Variants in NFASC observed in about 807,000 individuals in gnomAD.
NFASC encodes the protein neurofascin.
A neutral mutation model predicts 147.5 loss-of-function variants in NFASC; 43 were observed. The observed-to-expected ratio is 0.29, with a 90% confidence interval of 0.23 to 0.38. NFASC has a LOEUF of 0.38. NFASC is among the 10% of genes least tolerant of loss of function. NFASC has a pLI of 1.00. For synonymous variants in NFASC, 622 were observed against 665.5 expected, an observed-to-expected ratio of 0.93 and a Z score of 1.01; for missense variants, 1,320 against 1,689.0, an observed-to-expected ratio of 0.78 and a Z score of 3.83.
chr1:204,915,778 A>G (rs1044825295), intron 1 of NFASC, among the ~76,000 whole-genome samples: 1 of 152,198 alleles, frequency 6.6e-6, no homozygotes, highest in Non-Finnish European at 1.5e-5. Flanking sequence ...CTTCTTTAGA[A>G]ATACGCCCTT....
chr1:204,952,937 C>G (rs1301407498), intron 5 of NFASC, among the ~76,000 whole-genome samples: 3 of 152,334 alleles, frequency 2.0e-5, no homozygotes, highest in East Asian at 3.9e-4. Context: ...TCACACAAGA[C>G]AGTCTCAAAC....
In NFASC at chr1:204,885,553, G is replaced by A. The variant is rs375853129; in HGVS notation, c.-199-35079G>A. Among the ~76,000 whole-genome samples the A allele has an allele frequency of 7.4e-4, 113 of 152,292 alleles. 1 individual carries two copies. Among genetic ancestry groups the A allele is most frequent in the South Asian group, 4.1e-3 (20 of 4,822 alleles). ...TCAGAGAAAGAATTGACCAGGGCTG[G>A]TGCCAAAATATTCAGTACATTCAAA... On this transcript the variant is annotated intron_variant, in intron 1 of 29. Coordinates refer to ENST00000339876, the MANE Select transcript of NFASC (RefSeq NM_001005388.3).
At chr1:204,909,010 A>T (rs1450827028) in intron 1 of NFASC, among the ~76,000 whole-genome samples, 4 of 152,104 alleles carry the variant, frequency 2.6e-5, no homozygotes, top group Non-Finnish European at 5.9e-5. Flanking sequence ...ATTGTTTTCT[A>T]GTTTTTGCCT....
At chr1:204,843,370 T>G (rs1471835044) in intron 1 of NFASC, among the ~76,000 whole-genome samples, 1 of 152,228 alleles carries the variant, frequency 6.6e-6, no homozygotes, top group Admixed American at 6.5e-5. Context: ...TTTCTCCCAA[T>G]GGTAACATCT....
rs148269773 is a variant in NFASC at position 204,866,400 on chromosome 1, G to A, written c.-200+37618G>A. On this transcript the variant is annotated intron_variant, in intron 1 of 29. Transcript: ENST00000339876. ...TGGATGGGGCTTTTGGAGCTATGCC[G>A]AGCCCTTGAGAGGTCAGTTCTTAGG... 5.1e-3 allele frequency among the ~76,000 whole-genome samples: 784 copies of A among 152,248 alleles called. 7 individuals carry two copies. Among genetic ancestry groups the A allele is most frequent in the African/African-American group, 0.018 (729 of 41,518 alleles).
intron 8 of NFASC, among the ~76,000 whole-genome samples, chr1:204,959,592 C>T (rs2094574451): frequency 6.6e-6 from 1 of 152,166 alleles, no homozygotes; most frequent in South Asian, 2.1e-4. Context: ...CTGAGCTGAG[C>T]CTGGACAGCC....
intron 2 of NFASC, among the ~76,000 whole-genome samples, chr1:204,923,248 C>T (rs906021539): frequency 4.6e-5 from 7 of 152,164 alleles, no homozygotes; most frequent in African/African-American, 7.2e-5. Context: ...GGAAGCCCTC[C>T]GTTTATCTGC....
Position 204,891,409 on chromosome 1 carries a change from C to T in NFASC, c.-199-29223C>T, listed in dbSNP as rs573842715. 3.3e-5 allele frequency among the ~76,000 whole-genome samples: 5 copies of T among 152,252 alleles called. No individual in the cohort carries two copies. In the South Asian group the frequency reaches 1.0e-3, roughly 32 times the overall value. On this transcript the variant is annotated intron_variant, in intron 1 of 29. Transcript: ENST00000339876. Reference sequence around the variant, plus strand: ...GTTTCAAACCATGGGTCATTAATTCCCCTGAATTTCTGGGTTGCACATGCC... The same window carrying T: ...GTTTCAAACCATGGGTCATTAATTCTCCTGAATTTCTGGGTTGCACATGCC...
At chr1:204,904,630 C>T (rs138917000) in intron 1 of NFASC, among the ~76,000 whole-genome samples, 1 of 152,212 alleles carries the variant, frequency 6.6e-6, no homozygotes, top group Non-Finnish European at 1.5e-5. Flanking sequence ...TTATCTATCT[C>T]TGCACCACTT....
intron 1 of NFASC, among the ~76,000 whole-genome samples, chr1:204,906,935 G>A (rs576510524): frequency 1.4e-4 from 21 of 152,238 alleles, no homozygotes; most frequent in South Asian, 4.1e-4. Context: ...CGCCCGCCTT[G>A]GCCTCCCAAA....
rs777926377 is a variant in NFASC, at chr1:205,021,723, C to T, written c.*5184C>T. On this transcript the variant is annotated 3_prime_UTR_variant, in exon 30 of 30. Coordinates refer to ENST00000339876, the MANE Select transcript of NFASC (RefSeq NM_001005388.3). The stretch of plus-strand genomic sequence containing the variant: ...CCTTCTGGTTCACCCTCTCATACCT[C>T]TTTACTGCGTCTCCCACATCCCCCA... 4 of 153,422 alleles carry T rather than the reference C, an allele frequency of 2.6e-5. No homozygotes were observed. Among genetic ancestry groups the T allele is most frequent in the Non-Finnish European group, 5.9e-5 (4 of 68,044 alleles). The allele number at this position is 153,422 out of a possible 1,614,324, so 9.5% of individuals were successfully genotyped here.
In NFASC at chr1:205,015,828, G is replaced by T. The variant is rs2096350101; in HGVS notation, c.3492-480G>T. 1.3e-5 allele frequency among the ~76,000 whole-genome samples: 2 copies of T among 152,096 alleles called. No individual in the cohort carries two copies. Among genetic ancestry groups the T allele is most frequent in the African/African-American group, 2.4e-5 (1 of 41,416 alleles). ...TTTAAAAGCCTTGCTTGTTGTCAAGGCGAGAGTGTTTCCCTACAGAGTCAC... is the reference window on the plus strand; with the variant it reads ...TTTAAAAGCCTTGCTTGTTGTCAAGTCGAGAGTGTTTCCCTACAGAGTCAC... On this transcript the variant is annotated intron_variant, in intron 29 of 29. Transcript: ENST00000339876. This position sits in a 1 kb window ranked among gnomAD's most constrained non-coding sequence, Gnocchi z 4.0.
chr1:204,920,611 C>A, intron 1 of NFASC, 21 bp from the exon 2 acceptor site: 1 of 1,235,768 alleles, frequency 8.1e-7, no homozygotes, highest in Non-Finnish European at 1.1e-6. Context: ...TGGGGTTCTC[C>A]TTTGTGCTTG....
intron 27 of NFASC, chr1:205,009,184 A>C: frequency 5.5e-6 from 2 of 366,024 alleles, no homozygotes; most frequent in Non-Finnish European, 1.1e-5. Context: ...TCCATGGGGA[A>C]TCATACTTCC....
rs1303035688 is a variant in NFASC, at chr1:205,009,660, C to G, written c.3393C>G (p.Ile1131Met). Reference protein sequence around the residue: ...LVLILLIVCFIKRSRGGKYPV... With the variant: ...LVLILLIVCFMKRSRGGKYPV... Reference sequence around the variant, plus strand: ...TGATCCTGCTCATCGTCTGTTTCATCAAGAGGAGTCGCGGCGGCAAGTACC... The same window carrying G: ...TGATCCTGCTCATCGTCTGTTTCATGAAGAGGAGTCGCGGCGGCAAGTACC... The change falls in exon 28 of 30, where the codon ATC becomes ATG. Residue 1131 changes from isoleucine to methionine, a missense_variant. By Grantham distance (10) the Ile-to-Met change is conservative. Around this residue, in one of 3 missense-constraint regions of NFASC, gnomAD observed 167 missense variants for 233.8 expected, o/e 0.71. Coordinates refer to ENST00000339876, the MANE Select transcript of NFASC (RefSeq NM_001005388.3). 1 of 1,614,124 alleles carries G rather than the reference C, an allele frequency of 6.2e-7. No individual in the cohort carries two copies. The highest frequency in any genetic ancestry group is 1.3e-5 in the African/African-American group (1 of 75,044).
chr1:204,897,578 CTT>C (rs764139649), intron 1 of NFASC, among the ~76,000 whole-genome samples: 39 of 143,446 alleles, frequency 2.7e-4, no homozygotes, highest in Admixed American at 2.1e-4. Flanking sequence ...TTTCTTTTTC[CTT>C]TTTTTTTTTT....
intron 17 of NFASC, among the ~76,000 whole-genome samples, chr1:204,978,470 C>T (rs2095449385): frequency 6.6e-6 from 1 of 152,190 alleles, no homozygotes; most frequent in South Asian, 2.1e-4. Context: ...GCCCCCACTC[C>T]CCTAACCCAT....
chr1:205,005,380 C>T (rs16854930), intron 27 of NFASC, among the ~76,000 whole-genome samples: 50,790 of 152,036 alleles, frequency 0.33, 9,637 homozygotes, highest in African/African-American at 0.52. Context: ...GTATTGCCCG[C>T]TTCTGAGTGG....
Position 204,849,895 on chromosome 1 carries a change from C to A in NFASC, c.-200+21113C>A, listed in dbSNP as rs115925075. 3.8e-3 allele frequency among the ~76,000 whole-genome samples: 584 copies of A among 152,256 alleles called. 3 individuals are homozygous for A. The highest frequency in any genetic ancestry group is 0.011 in the African/African-American group (437 of 41,534). ...TTGGGTCATTCATCCATGTATGTATCCAAGAAGCATTTACTGATTAATTAC... is the reference window on the plus strand; with the variant it reads ...TTGGGTCATTCATCCATGTATGTATACAAGAAGCATTTACTGATTAATTAC... On this transcript the variant is annotated intron_variant, in intron 1 of 29. Coordinates refer to ENST00000339876, the MANE Select transcript of NFASC (RefSeq NM_001005388.3).
Sources: allele counts gnomAD v4.1 joint callset (sites outside exome capture counted in the v4.1 genomes callset), GRCh38; gene constraint gnomAD v4.1.1; regional missense constraint gnomAD v4.1.1; non-coding constraint Gnocchi (gnomAD v3.1); transcripts MANE v1.5; gene names NCBI Gene and HGNC (gene_info 2026-07-23, HGNC 2026-07-21).